Variants in CAMTA1 observed in about 807,000 individuals in gnomAD.
CAMTA1 encodes the protein calmodulin-binding transcription activator 1.
CAMTA1 carries 27 observed loss-of-function variants against 170.9 expected under a neutral mutation model. That is an observed-to-expected ratio of 0.16 (90% CI 0.12 to 0.22). The LOEUF (loss-of-function observed/expected upper bound fraction) is 0.22, where lower values mean the gene tolerates loss of function less well. Ranked by LOEUF, CAMTA1 falls within the 10% of genes least tolerant of loss-of-function variation. The pLI, the probability that CAMTA1 is intolerant of heterozygous loss-of-function variation, is 1.00. For synonymous variants in CAMTA1, 833 were observed against 891.5 expected (o/e 0.93, Z 1.17); for missense variants, 1,619 against 2,217.2 (o/e 0.73, Z 5.42).
At chr1:6,826,036 T>G (rs1376143179) in intron 3 of CAMTA1, among the ~76,000 whole-genome samples, 2 of 152,206 alleles carry the variant, frequency 1.3e-5, no homozygotes, top group African/African-American at 4.8e-5. Flanking sequence ...GATGTCCAAG[T>G]TAAAGCAAAT....
intron 4 of CAMTA1, among the ~76,000 whole-genome samples, chr1:7,179,073 C>A (rs1369128231): frequency 6.6e-6 from 1 of 152,162 alleles, no homozygotes; most frequent in Non-Finnish European, 1.5e-5. Context: ...ATGACCAAGG[C>A]GAAGCATCTC....
intron 11 of CAMTA1, 73 bp downstream of exon 11, chr1:7,677,806 T>A: frequency 6.5e-7 from 1 of 1,530,056 alleles, no homozygotes; most frequent in Non-Finnish European, 8.8e-7. Context: ...GCACAAGGTG[T>A]GAAAGAAGAG....
At chr1:7,536,329 C>T (rs188530609) in intron 6 of CAMTA1, among the ~76,000 whole-genome samples, 10 of 152,330 alleles carry the variant, frequency 6.6e-5, no homozygotes, top group Admixed American at 6.5e-4. Context: ...TCAGCACTTT[C>T]AGGGTGAGCG....
intron 4 of CAMTA1, among the ~76,000 whole-genome samples, chr1:7,134,195 C>G (rs911753508): frequency 1.3e-5 from 2 of 152,206 alleles, no homozygotes; most frequent in African/African-American, 4.8e-5. Context: ...ATTATGACCT[C>G]CACCTGCATC....
At chr1:7,741,436 A>T (rs989292571) in intron 16 of CAMTA1, among the ~76,000 whole-genome samples, 1 of 151,876 alleles carries the variant, frequency 6.6e-6, no homozygotes, top group Non-Finnish European at 1.5e-5. Context: ...GGTGGCGGGC[A>T]CCTGTAGTCC....
Position 7,566,900 on chromosome 1 carries a change from A to G in CAMTA1, c.511-73500A>G, listed in dbSNP as rs548817877. Among the ~76,000 whole-genome samples, 6 of 152,356 alleles carry G rather than the reference A, an allele frequency of 3.9e-5. No individual in the cohort carries two copies. In the South Asian group the frequency reaches 1.2e-3, roughly 32 times the overall value. On this transcript the variant is annotated intron_variant, in intron 6 of 22. Coordinates refer to ENST00000303635, the MANE Select transcript of CAMTA1 (RefSeq NM_015215.4). ...ACCCCCTCTGTGCCCACACGGACAC[A>G]GTCTTCATGGGCCAGTCTTCATGGA... is the stretch of plus-strand genomic sequence containing the variant.
At chr1:7,013,881 C>T (rs1165804527) in intron 3 of CAMTA1, among the ~76,000 whole-genome samples, 1 of 152,214 alleles carries the variant, frequency 6.6e-6, no homozygotes, top group Admixed American at 6.5e-5. Flanking sequence ...CTTGTGACTC[C>T]TCTTCTTCAA....
intron 3 of CAMTA1, among the ~76,000 whole-genome samples, chr1:7,085,459 C>T (rs1305181663): frequency 2.0e-5 from 3 of 152,244 alleles, no homozygotes; most frequent in Non-Finnish European, 2.9e-5. Flanking sequence ...GACTGAGACA[C>T]ACACCCTCCC....
chr1:7,084,314 T>A (rs1268400916), intron 3 of CAMTA1, among the ~76,000 whole-genome samples: 1 of 152,108 alleles, frequency 6.6e-6, no homozygotes, highest in East Asian at 1.9e-4. Flanking sequence ...GAGAGACCTA[T>A]GGGGGACTCT....
intron 11 of CAMTA1, among the ~76,000 whole-genome samples, chr1:7,730,103 A>G (rs558639421): frequency 3.8e-4 from 58 of 152,350 alleles, no homozygotes; most frequent in African/African-American, 1.2e-3. Context: ...AGGATTTATC[A>G]TGTTCTGAGC....
chr1:6,880,383 G>GTTTTTTTTTTTTTTTTTTTTTTTTTT (rs34745856), intron 3 of CAMTA1, among the ~76,000 whole-genome samples: 1 of 67,194 alleles, frequency 1.5e-5, no homozygotes, highest in Non-Finnish European at 2.7e-5. Context: ...CTCTAAAAGT[G>GTTTTTTTTTTTTTTTTTTTTTTTTTT]TTTTTTTTTT....
At chr1:7,087,949 G>A (rs1191250769) in intron 3 of CAMTA1, among the ~76,000 whole-genome samples, 1 of 152,234 alleles carries the variant, frequency 6.6e-6, no homozygotes, top group African/African-American at 2.4e-5. Flanking sequence ...GAGTTCCTGA[G>A]CTTTTGCAGG....
Position 6,990,362 on chromosome 1 carries a change from C to T in CAMTA1, c.235-100942C>T, listed in dbSNP as rs554997533. 2.1e-4 allele frequency among the ~76,000 whole-genome samples: 32 copies of T among 152,132 alleles called. 1 individual carries two copies. In the South Asian group the frequency reaches 6.2e-3, roughly 30 times the overall value. On this transcript the variant is annotated intron_variant, in intron 3 of 22. Coordinates refer to ENST00000303635, the MANE Select transcript of CAMTA1 (RefSeq NM_015215.4). ...AGAGTTGAATTAGATATGATATATC[C>T]ATCACTTTAACAATTTGCTATATTT...
chr1:7,498,820 GGAT>G (rs530613973), intron 6 of CAMTA1, among the ~76,000 whole-genome samples: 289 of 151,300 alleles, frequency 1.9e-3, no homozygotes, highest in African/African-American at 6.7e-3. Flanking sequence ...TGTGTAGAGA[GGAT>G]GGTGTGAGCC....
intron 5 of CAMTA1, among the ~76,000 whole-genome samples, chr1:7,351,964 A>G (rs997242409): frequency 1.3e-5 from 2 of 152,224 alleles, no homozygotes; most frequent in African/African-American, 4.8e-5. Context: ...ATATGCTGCC[A>G]CTTTTAATAT....
At chr1:7,149,760 C>T (rs937895322) in intron 4 of CAMTA1, among the ~76,000 whole-genome samples, 3 of 152,196 alleles carry the variant, frequency 2.0e-5, no homozygotes, top group Non-Finnish European at 4.4e-5. Flanking sequence ...CCGGCCTGGG[C>T]GGCGGCCAGC....
chr1:7,601,187 G>T (rs1160154697), intron 6 of CAMTA1, among the ~76,000 whole-genome samples: 1 of 121,250 alleles, frequency 8.2e-6, no homozygotes, highest in Admixed American at 8.0e-5. Context: ...TCCCGGACGG[G>T]GTGGCTGCTG....
At chr1:7,025,745 T>A (rs61780949) in intron 3 of CAMTA1, among the ~76,000 whole-genome samples, 2 of 151,654 alleles carry the variant, frequency 1.3e-5, no homozygotes, top group Non-Finnish European at 2.9e-5. Context: ...GGGGATGGAG[T>A]GGGGGAAGAG....
chr1:7,242,961 C>CAAAAAAT (rs1021171248), intron 4 of CAMTA1, among the ~76,000 whole-genome samples: 2 of 151,572 alleles, frequency 1.3e-5, no homozygotes, highest in Non-Finnish European at 2.9e-5. Flanking sequence ...GACTCCATCT[C>CAAAAAAT]AAAAAATAAA....
Sources: allele counts gnomAD v4.1 joint callset (sites outside exome capture counted in the v4.1 genomes callset), GRCh38; gene constraint gnomAD v4.1.1; transcripts MANE v1.5; gene names NCBI Gene and HGNC (gene_info 2026-07-23, HGNC 2026-07-21).